GNPTAB: variants seen among roughly 807,000 people sequenced by gnomAD.
The protein encoded by GNPTAB is N-acetylglucosamine-1-phosphate transferase subunits alpha and beta.
A neutral mutation model predicts 136.6 loss-of-function variants in GNPTAB; 92 were observed. The ratio of observed to expected loss-of-function variants is 0.67; its 90% CI spans 0.57 to 0.80. GNPTAB has a LOEUF of 0.80. Among genes scored for constraint, GNPTAB ranks in the 30% least tolerant of loss-of-function variants. The pLI is 0.00. For synonymous variants in GNPTAB, 512 were observed against 535.1 expected, an observed-to-expected ratio of 0.96 and a Z score of 0.60; for missense variants, 1,343 against 1,501.8, an observed-to-expected ratio of 0.89 and a Z score of 1.75.
chr12:101,809,908 G>A (rs957043566), intron 1 of GNPTAB, among the ~76,000 whole-genome samples: 6 of 152,168 alleles, frequency 3.9e-5, no homozygotes, highest in Non-Finnish European at 8.8e-5. Context: ...TGTAATCTAT[G>A]TACATTAGTT....
At chr12:101,747,394 A>T (rs1392918958) in intron 20 of GNPTAB, among the ~76,000 whole-genome samples, 153 bp from the exon 21 acceptor site, 1 of 152,234 alleles carries the variant, frequency 6.6e-6, no homozygotes, top group Non-Finnish European at 1.5e-5. Context: ...TTCCTCTTCC[A>T]AAACAAAAAC....
intron 3 of GNPTAB, among the ~76,000 whole-genome samples, chr12:101,789,284 C>T (rs1346230275): frequency 6.6e-6 from 1 of 152,104 alleles, no homozygotes; most frequent in East Asian, 1.9e-4. Flanking sequence ...CATCATCTAA[C>T]AAAGTGAGGC....
chr12:101,758,555 C>T (rs1020098065), intron 16 of GNPTAB, among the ~76,000 whole-genome samples: 2 of 152,238 alleles, frequency 1.3e-5, no homozygotes, highest in African/African-American at 4.8e-5. Context: ...CCAGGTCTTA[C>T]TCCTCTATTT....
chr12:101,794,309 G>A (rs1869158126), intron 2 of GNPTAB, among the ~76,000 whole-genome samples: 1 of 152,028 alleles, frequency 6.6e-6, no homozygotes, highest in Non-Finnish European at 1.5e-5. Context: ...CACTTTTACT[G>A]ACATATGGAA....
At chr12:101,803,848 G>A (rs1402611566) in intron 1 of GNPTAB, among the ~76,000 whole-genome samples, 3 of 152,184 alleles carry the variant, frequency 2.0e-5, no homozygotes, top group Non-Finnish European at 4.4e-5. Context: ...AGAGAGAGCT[G>A]AGATTTTTAT....
chr12:101,765,635 C>A (rs1037084554), intron 12 of GNPTAB: 3 of 371,900 alleles, frequency 8.1e-6, no homozygotes, highest in African/African-American at 6.2e-5. Flanking sequence ...AAATAGTGAT[C>A]CTGACTCACT....
intron 1 of GNPTAB, 131 bp downstream of exon 1, chr12:101,830,428 C>G (rs1871306138): frequency 1.5e-6 from 1 of 650,608 alleles, no homozygotes; most frequent in African/African-American, 1.8e-5. Flanking sequence ...AGTTCGAGAC[C>G]AGCCTGGGCA....
intron 4 of GNPTAB, among the ~76,000 whole-genome samples, chr12:101,787,387 C>G (rs1238910012): frequency 6.6e-6 from 1 of 152,004 alleles, no homozygotes; most frequent in Non-Finnish European, 1.5e-5. Flanking sequence ...CAAAACTGCC[C>G]ACAGATTATA....
At chr12:101,793,818 A>C (rs1374830262) in intron 2 of GNPTAB, among the ~76,000 whole-genome samples, 1 of 152,116 alleles carries the variant, frequency 6.6e-6, no homozygotes, top group African/African-American at 2.4e-5. Context: ...CTTAAATAGT[A>C]TTTTGTCTTA....
Position 101,764,766 on chromosome 12 carries a change from T to G in GNPTAB, c.2151A>C (p.Gln717His), listed in dbSNP as rs1189015271. 1 of 1,614,194 alleles carries G rather than the reference T, an allele frequency of 6.2e-7. No individual in the cohort carries two copies. Among genetic ancestry groups the G allele is most frequent in the South Asian group, 1.1e-5 (1 of 91,082 alleles). The change falls in exon 13 of 21, where the codon CAA becomes CAC. Residue 717 changes from glutamine (Q) to histidine (H), a missense_variant. Transcript: ENST00000299314. ...AQLSLNTLDLQLEHGDITLKG... is the reference protein window; with the variant it reads ...AQLSLNTLDLHLEHGDITLKG... The stretch of plus-strand genomic sequence containing the variant: ...TCAAAGTGATGTCTCCATGTTCCAG[T>G]TGCAAATCCAAGGTATTGAGACTCA...
chr12:101,766,410 GC>G (rs1277475485), intron 11 of GNPTAB, 116 bp from the exon 12 acceptor site: 5 of 878,344 alleles, frequency 5.7e-6, no homozygotes, highest in Non-Finnish European at 9.4e-6. Flanking sequence ...GGCAGAGGAG[GC>G]TGGATCACCT....
chr12:101,771,246 CTTTT>C (rs367687458), intron 7 of GNPTAB, 89 bp from the exon 8 acceptor site: 600 of 874,286 alleles, frequency 6.9e-4, no homozygotes, highest in Non-Finnish European at 7.8e-4. Context: ...TTAATCTTTC[CTTTT>C]TTTTTTTTTT....
chr12:101,810,701 A>G (rs1196016974), intron 1 of GNPTAB: 1 of 151,782 alleles, frequency 6.6e-6, no homozygotes, highest in Non-Finnish European at 1.5e-5. Context: ...ATATATCAAC[A>G]TACAATTTCA....
chr12:101,814,621 T>C (rs1434886749), intron 1 of GNPTAB, among the ~76,000 whole-genome samples: 1 of 150,632 alleles, frequency 6.6e-6, no homozygotes, highest in African/African-American at 2.4e-5. Flanking sequence ...TGCTTGAACC[T>C]GGGAGGCGGA....
In GNPTAB at chr12:101,790,060, A is replaced by G; in HGVS notation, c.204-3T>C. The stretch of plus-strand genomic sequence containing the variant: ...CAATCGGCATGGGCAGACAAAGCCT[A>G]GGGCAAACCAACAAATCCTCCAGCT... On this transcript the variant is annotated splice_polypyrimidine_tract_variant and splice_region_variant and intron_variant, in intron 2 of 20. Transcript: ENST00000299314. 1 of 1,614,184 alleles carries G rather than the reference A, an allele frequency of 6.2e-7. No individual in the cohort carries two copies. Among genetic ancestry groups the G allele is most frequent in the Non-Finnish European group, 8.5e-7 (1 of 1,179,986 alleles).
chr12:101,782,906 C>T lies in GNPTAB; in HGVS notation c.572-2285G>A, dbSNP rs137925859. Among the ~76,000 whole-genome samples the T allele has an allele frequency of 2.6e-5, 4 of 152,190 alleles. No individual in the cohort carries two copies. In the East Asian group the frequency reaches 7.7e-4, roughly 29 times the overall value. ...CCAGATCAGTCTTTCCCCAGATATT[C>T]GCATTGCTGGCTACCTCACCTTCTT... is the stretch of plus-strand genomic sequence containing the variant. On this transcript the variant is annotated intron_variant, in intron 5 of 20. Transcript: ENST00000299314.
intron 20 of GNPTAB, among the ~76,000 whole-genome samples, chr12:101,747,904 A>G (rs1347913676): frequency 6.6e-6 from 1 of 152,012 alleles, no homozygotes; most frequent in African/African-American, 2.4e-5. Flanking sequence ...TGGTATAGAT[A>G]GAGGAAAGAC....
At chr12:101,772,587 G>A (rs1052086379) in intron 7 of GNPTAB, among the ~76,000 whole-genome samples, 2 of 152,042 alleles carry the variant, frequency 1.3e-5, no homozygotes, top group African/African-American at 4.8e-5. Flanking sequence ...TGAGTGCCTG[G>A]CACATATTTA....
chr12:101,801,619 T>C (rs1869642961), intron 1 of GNPTAB, among the ~76,000 whole-genome samples: 1 of 148,888 alleles, frequency 6.7e-6, no homozygotes, highest in Non-Finnish European at 1.5e-5. Context: ...AACTCCTTCC[T>C]CTCTGGAACA....
Sources: allele counts gnomAD v4.1 joint callset (sites outside exome capture counted in the v4.1 genomes callset), GRCh38; gene constraint gnomAD v4.1.1; transcripts MANE v1.5; gene names NCBI Gene and HGNC (gene_info 2026-07-23, HGNC 2026-07-21).